CCAR1: variants seen among roughly 807,000 people sequenced by gnomAD.
CCAR1 encodes the protein cell division cycle and apoptosis regulator protein 1.
CCAR1 carries 78 observed loss-of-function variants against 163.8 expected under a neutral mutation model. That is an observed-to-expected ratio of 0.48 (90% confidence interval 0.40 to 0.57). The LOEUF (loss-of-function observed/expected upper bound fraction) is 0.57, where lower values mean the gene tolerates loss of function less well. Among genes scored for constraint, CCAR1 ranks in the 20% least tolerant of loss-of-function variants. The pLI, the probability that CCAR1 is intolerant of heterozygous loss-of-function variation, is 0.00. For synonymous variants in CCAR1, 443 were observed against 460.7 expected (o/e 0.96, Z 0.49); for missense variants, 1,019 against 1,365.2 (o/e 0.75, Z 4.00).
chr10:68,723,085 T>G (rs550582343), intron 2 of CCAR1, among the ~76,000 whole-genome samples: 43 of 151,060 alleles, frequency 2.8e-4, no homozygotes, highest in African/African-American at 1.0e-3. Flanking sequence ...GTTTTGTAGT[T>G]TTTTTTTTCC....
In CCAR1 at chr10:68,729,108, GTTAA is replaced by G. The variant is rs1304131449; in HGVS notation, c.73+6534_73+6537del. Among the ~76,000 whole-genome samples the G allele has an allele frequency of 1.5e-4, 23 of 152,236 alleles. No homozygotes were observed. In the East Asian group the frequency reaches 4.1e-3, roughly 27 times the overall value. On this transcript the variant is annotated intron_variant, in intron 2 of 24. Coordinates refer to ENST00000265872, the MANE Select transcript of CCAR1 (RefSeq NM_018237.4). ...TGAGGAACTGAATTTGTAATTTTAT[GTTAA>G]TTGTTATTAATTTAAATGAAATAAC...
At chr10:68,737,113 T>C (rs745418783) in intron 3 of CCAR1, 65 bp downstream of exon 3, 78 of 1,057,388 alleles carry the variant, frequency 7.4e-5, no homozygotes, top group Non-Finnish European at 1.1e-4. Context: ...TAGCTAGCAT[T>C]GCTACCTTCA....
At position 68,756,230 on chromosome 10, in the gene CCAR1, A is replaced by G. The variant is rs372409850; in HGVS notation, c.1626-43A>G. 1.3e-6 allele frequency: 2 copies of G among 1,519,876 alleles called. No individual in the cohort carries two copies. The highest frequency in any genetic ancestry group is 1.8e-6 in the Non-Finnish European group (2 of 1,100,644). The allele number at this position is 1,519,876 out of a possible 1,614,324, so 94.1% of individuals were successfully genotyped here. On this transcript the variant is annotated intron_variant, in intron 13 of 24. Transcript: ENST00000265872. This position sits in a 1 kb window ranked among gnomAD's most constrained non-coding sequence, Gnocchi z 5.1. The stretch of plus-strand genomic sequence containing the variant: ...AAGTGAACTAGGGTCTTTAAAATGT[A>G]TTTTAGAATTTTTTTTCCAACATGC...
At chr10:68,786,356 T>C in intron 20 of CCAR1, 138 bp downstream of exon 20, 1 of 750,486 alleles carries the variant, frequency 1.3e-6, no homozygotes, top group Non-Finnish European at 2.2e-6. Flanking sequence ...TTTTTGTGGC[T>C]ATGTCAGATA....
Position 68,791,271 on chromosome 10 carries a change from A to G in CCAR1, c.*5A>G. 6.3e-7 allele frequency: 1 copy of G among 1,582,672 alleles called. No individual in the cohort carries two copies. The highest frequency in any genetic ancestry group is 8.6e-7 in the Non-Finnish European group (1 of 1,156,134). ...GAGAATGGTGCCAGTGTATGATAAA[A>G]TCCATGTAGTGATGAGGAATGGTGT... On this transcript the variant is annotated 3_prime_UTR_variant, in exon 25 of 25. Transcript: ENST00000265872.
chr10:68,781,009 A>C (rs1374470951), intron 19 of CCAR1, among the ~76,000 whole-genome samples: 1 of 151,960 alleles, frequency 6.6e-6, no homozygotes, highest in Non-Finnish European at 1.5e-5. Flanking sequence ...AGGCGGGTGG[A>C]TCATTTGAGG....
intron 6 of CCAR1, among the ~76,000 whole-genome samples, chr10:68,744,176 C>T (rs1275076238): frequency 2.0e-5 from 3 of 152,156 alleles, no homozygotes; most frequent in Non-Finnish European, 2.9e-5. Flanking sequence ...TGAACCACTG[C>T]GCCTAGCCAG....
intron 2 of CCAR1, 125 bp downstream of exon 2, chr10:68,722,702 T>A: frequency 1.5e-6 from 1 of 682,638 alleles, no homozygotes; most frequent in Non-Finnish European, 2.5e-6. Context: ...AGGAGGTGGA[T>A]CACGAGGTCA....
chr10:68,767,678 G>A (rs956106582), intron 17 of CCAR1, among the ~76,000 whole-genome samples: 5 of 152,276 alleles, frequency 3.3e-5, no homozygotes, highest in South Asian at 2.1e-4. Context: ...CCAAGTAGCC[G>A]GAATTACAGT....
At chr10:68,772,895 G>A in intron 18 of CCAR1, 93 bp from the exon 19 acceptor site, 1 of 577,834 alleles carries the variant, frequency 1.7e-6, no homozygotes, top group East Asian at 3.4e-5. Flanking sequence ...TGGATCGCTT[G>A]AGCCCACGGG....
intron 9 of CCAR1, 68 bp from the exon 10 acceptor site, chr10:68,749,456 T>G (rs2056302721): frequency 1.4e-6 from 2 of 1,397,926 alleles, no homozygotes; most frequent in African/African-American, 2.9e-5. Context: ...ACCTACTCTA[T>G]TTACTTCATT....
chr10:68,723,331 G>A (rs1291825095), intron 2 of CCAR1, among the ~76,000 whole-genome samples: 2 of 147,910 alleles, frequency 1.4e-5, no homozygotes, highest in East Asian at 2.1e-4. Flanking sequence ...GGGTTTCACC[G>A]TCTTAGCCAG....
rs537087318 is a variant in CCAR1 at position 68,723,380 on chromosome 10, C to T, written c.73+803C>T. Among the ~76,000 whole-genome samples, 391 of 150,972 alleles carry T rather than the reference C, an allele frequency of 2.6e-3. 4 individuals carry two copies. Among genetic ancestry groups the T allele is most frequent in the African/African-American group, 8.3e-3 (345 of 41,334 alleles). On this transcript the variant is annotated intron_variant, in intron 2 of 24. Coordinates refer to ENST00000265872, the MANE Select transcript of CCAR1 (RefSeq NM_018237.4). ...TCCTGACCTTGCGATATGCCCGCCTCGGCCTCCCGAAGTGCTGGGATTACA... is the reference window on the plus strand; with the variant it reads ...TCCTGACCTTGCGATATGCCCGCCTTGGCCTCCCGAAGTGCTGGGATTACA...
chr10:68,722,245 A>G (rs2055869938), intron 1 of CCAR1, among the ~76,000 whole-genome samples: 1 of 152,154 alleles, frequency 6.6e-6, no homozygotes, highest in East Asian at 1.9e-4. Context: ...TTATCTTGTA[A>G]AATAGGGCAT....
chr10:68,775,942 G>A (rs536669259), intron 19 of CCAR1, among the ~76,000 whole-genome samples: 10 of 151,890 alleles, frequency 6.6e-5, no homozygotes, highest in African/African-American at 2.4e-4. Flanking sequence ...TGGTCCTCCC[G>A]TCTTGGCCTC....
chr10:68,741,149 C>G (rs1241433447), intron 5 of CCAR1, among the ~76,000 whole-genome samples: 1 of 152,056 alleles, frequency 6.6e-6, no homozygotes, highest in East Asian at 1.9e-4. Context: ...AGGTCCAGAC[C>G]TTAGGTGATC....
intron 2 of CCAR1, among the ~76,000 whole-genome samples, chr10:68,732,402 T>G (rs541874855): frequency 7.9e-5 from 12 of 152,158 alleles, no homozygotes; most frequent in Non-Finnish European, 1.6e-4. Flanking sequence ...CAGGCTGTAG[T>G]GCAGTGGCGC....
In CCAR1 at chr10:68,761,162, T is replaced by C. The variant is rs549263622; in HGVS notation, c.2076T>C (p.Asp692=). ...AATCTGAAAAAGAAGAGGATGAGGATGATGATAGGAAATCTGAAGACGATA... is the reference window on the plus strand; with the variant it reads ...AATCTGAAAAAGAAGAGGATGAGGACGATGATAGGAAATCTGAAGACGATA... The part of the protein sequence containing the change: ...LEKSEKEEDE[D]DDRKSEDDKE... The change falls in exon 16 of 25, where the codon GAT becomes GAC. Residue 692 remains aspartate, a synonymous_variant. Coordinates refer to ENST00000265872, the MANE Select transcript of CCAR1 (RefSeq NM_018237.4). The C allele has an allele frequency of 6.2e-7, 1 of 1,603,278 alleles. No individual in the cohort carries two copies. The highest frequency in any genetic ancestry group is 1.4e-5 in the African/African-American group (1 of 73,964).
At chr10:68,733,370 C>G (rs905584397) in intron 2 of CCAR1, among the ~76,000 whole-genome samples, 1 of 151,938 alleles carries the variant, frequency 6.6e-6, no homozygotes, top group African/African-American at 2.4e-5. Context: ...AAGATTCTGC[C>G]GCTGCACTTG....
Sources: allele counts gnomAD v4.1 joint callset (sites outside exome capture counted in the v4.1 genomes callset), GRCh38; gene constraint gnomAD v4.1.1; non-coding constraint Gnocchi (gnomAD v3.1); transcripts MANE v1.5; gene names NCBI Gene and HGNC (gene_info 2026-07-23, HGNC 2026-07-21).